YAP1: variants seen among roughly 807,000 people sequenced by gnomAD.
YAP1 encodes the protein Yes1 associated transcriptional regulator.
In YAP1, 5 loss-of-function variants were observed where a neutral mutation model predicts 56.9. That is an observed-to-expected ratio of 0.09 (90% CI 0.05 to 0.18). The LOEUF (loss-of-function observed/expected upper bound fraction) is 0.18, where lower values mean the gene tolerates loss of function less well. YAP1 is among the 10% of genes least tolerant of loss of function. The pLI is 1.00. For synonymous variants in YAP1, 265 were observed against 248.1 expected, an observed-to-expected ratio of 1.07 and a Z score of -0.64; for missense variants, 539 against 651.8, an observed-to-expected ratio of 0.83 and a Z score of 1.88.
chr11:102,199,191 TAATAACTC>T (rs1334487233), intron 4 of YAP1, among the ~76,000 whole-genome samples: 1 of 152,190 alleles, frequency 6.6e-6, no homozygotes, highest in Non-Finnish European at 1.5e-5. Context: ...TCAGTCCTCA[TAATAACTC>T]AAATGGAGAT....
intron 8 of YAP1, among the ~76,000 whole-genome samples, chr11:102,229,258 G>T (rs1240344743): frequency 2.0e-5 from 3 of 152,284 alleles, no homozygotes; most frequent in East Asian, 3.9e-4. Context: ...AAGTATTCTT[G>T]CAGTCTTTCT....
chr11:102,182,140 G>A (rs972578425), intron 3 of YAP1, among the ~76,000 whole-genome samples: 1 of 152,132 alleles, frequency 6.6e-6, no homozygotes. Context: ...TTTTAAATCA[G>A]TGGTTCCTTA....
chr11:102,156,518 TTC>T (rs1474581381), intron 2 of YAP1, among the ~76,000 whole-genome samples: 1 of 152,198 alleles, frequency 6.6e-6, no homozygotes, highest in African/African-American at 2.4e-5. Context: ...GTTCTGCCAT[TTC>T]TCTTTTTTTG....
At chr11:102,227,437 TG>T (rs752882650) in intron 7 of YAP1, 31 bp from the exon 8 acceptor site, 3 of 1,499,652 alleles carry the variant, frequency 2.0e-6, no homozygotes, top group South Asian at 1.2e-5. Context: ...TAAAATTTTT[TG>T]TGTTGGTCTT....
At chr11:102,149,597 A>G (rs932928802) in intron 2 of YAP1, among the ~76,000 whole-genome samples, 1 of 152,202 alleles carries the variant, frequency 6.6e-6, no homozygotes, top group Admixed American at 6.5e-5. Flanking sequence ...ATGTGAAATG[A>G]TTGGCCAAAC....
At chr11:102,191,822 C>T (rs1948299982) in intron 4 of YAP1, among the ~76,000 whole-genome samples, 1 of 152,136 alleles carries the variant, frequency 6.6e-6, no homozygotes, top group African/African-American at 2.4e-5. Context: ...AGGCATGTGC[C>T]ACCATACCCT....
chr11:102,209,217 T>C (rs1949272671), intron 5 of YAP1, among the ~76,000 whole-genome samples: 1 of 152,250 alleles, frequency 6.6e-6, no homozygotes, highest in African/African-American at 2.4e-5. Context: ...AAATATATTG[T>C]ATCTGCTTTA....
chr11:102,222,057 C>T (rs1473851866), intron 6 of YAP1, among the ~76,000 whole-genome samples: 1 of 151,876 alleles, frequency 6.6e-6, no homozygotes, highest in African/African-American at 2.4e-5. Context: ...AGGCATAAAC[C>T]TAAAGAAAAA....
chr11:102,141,734 A>G (rs1054084485), intron 2 of YAP1, among the ~76,000 whole-genome samples: 24 of 152,300 alleles, frequency 1.6e-4, no homozygotes, highest in African/African-American at 5.8e-4. Context: ...ATTTCCTCTC[A>G]TTTGAATTTT....
At chr11:102,200,804 A>G (rs917110997) in intron 4 of YAP1, among the ~76,000 whole-genome samples, 1 of 152,180 alleles carries the variant, frequency 6.6e-6, no homozygotes, top group African/African-American at 2.4e-5. Flanking sequence ...AATTATTGGT[A>G]ACTTATATCA....
At chr11:102,116,384 T>G (rs946614233) in intron 2 of YAP1, among the ~76,000 whole-genome samples, 2 of 152,204 alleles carry the variant, frequency 1.3e-5, no homozygotes, top group African/African-American at 2.4e-5. Context: ...TTTTAGTACA[T>G]GTAGGAGGTC....
At chr11:102,115,452 G>C (rs1365461337) in intron 2 of YAP1, among the ~76,000 whole-genome samples, 1 of 152,102 alleles carries the variant, frequency 6.6e-6, no homozygotes, top group Non-Finnish European at 1.5e-5. Context: ...TATATTGATT[G>C]TCTTCCAGGG....
At chr11:102,153,053 G>A (rs1945754734) in intron 2 of YAP1, among the ~76,000 whole-genome samples, 1 of 152,158 alleles carries the variant, frequency 6.6e-6, no homozygotes, top group Non-Finnish European at 1.5e-5. Context: ...AGTGATCTAC[G>A]GCTGAAGTTT....
At chr11:102,113,954 T>G (rs944053299) in intron 1 of YAP1, among the ~76,000 whole-genome samples, 190 bp from the exon 2 acceptor site, 8 of 152,042 alleles carry the variant, frequency 5.3e-5, no homozygotes, top group Admixed American at 3.3e-4. Context: ...TTTATAAAAT[T>G]TATATTAAAA....
chr11:102,188,697 G>A (rs968572852), intron 4 of YAP1, among the ~76,000 whole-genome samples: 1 of 152,194 alleles, frequency 6.6e-6, no homozygotes, highest in African/African-American at 2.4e-5. Flanking sequence ...TACAGCCTAG[G>A]CATGTAGTAG....
chr11:102,204,910 G>A (rs1033297123), intron 4 of YAP1, among the ~76,000 whole-genome samples: 4 of 152,104 alleles, frequency 2.6e-5, no homozygotes, highest in Non-Finnish European at 5.9e-5. Context: ...ATTGGGACCT[G>A]GGGTTTTCTT....
intron 6 of YAP1, among the ~76,000 whole-genome samples, chr11:102,222,387 C>G (rs1949976891): frequency 6.6e-6 from 1 of 152,120 alleles, no homozygotes; most frequent in African/African-American, 2.4e-5. Flanking sequence ...GGGTAAGAAA[C>G]AGTGAACAGA....
At chr11:102,196,080 A>G (rs1394395860) in intron 4 of YAP1, among the ~76,000 whole-genome samples, 3 of 152,216 alleles carry the variant, frequency 2.0e-5, no homozygotes, top group African/African-American at 4.8e-5. Flanking sequence ...ATCCTCATAC[A>G]TTGCTGTTGG....
chr11:102,147,427 A>T (rs946015618), intron 2 of YAP1, among the ~76,000 whole-genome samples: 1 of 152,188 alleles, frequency 6.6e-6, no homozygotes, highest in Non-Finnish European at 1.5e-5. Context: ...TGATCTTTCT[A>T]GTCTTTTCTA....
Sources: allele counts gnomAD v4.1 joint callset (sites outside exome capture counted in the v4.1 genomes callset), GRCh38; gene constraint gnomAD v4.1.1; transcripts MANE v1.5; gene names NCBI Gene and HGNC (gene_info 2026-07-23, HGNC 2026-07-21).